The following PKP4 variants were observed in gnomAD, a reference collection of about 807,000 sequenced individuals.
PKP4 encodes plakophilin 4.
PKP4 carries 90 observed loss-of-function variants against 145.1 expected under a neutral mutation model. The ratio of observed to expected loss-of-function variants is 0.62; its 90% CI spans 0.52 to 0.74. The LOEUF is 0.74. PKP4 is among the 30% of genes least tolerant of loss of function. The pLI, the probability that PKP4 is intolerant of heterozygous loss-of-function variation, is 0.00. For missense variants in PKP4, 1,340 were observed against 1,482.7 expected (o/e 0.90, Z 1.58); for synonymous variants, 563 against 577.2 (o/e 0.98, Z 0.35).
At chr2:158,591,524 G>C (rs941945080) in intron 3 of PKP4, among the ~76,000 whole-genome samples, 1 of 151,966 alleles carries the variant, frequency 6.6e-6, no homozygotes, top group Non-Finnish European at 1.5e-5. Flanking sequence ...TAAATACAAA[G>C]AGTGTTTGTT....
intron 3 of PKP4, among the ~76,000 whole-genome samples, chr2:158,598,111 G>C (rs572491456): frequency 6.6e-6 from 1 of 152,070 alleles, no homozygotes; most frequent in Non-Finnish European, 1.5e-5. Context: ...GGCGTGAGCC[G>C]CTGTGTCAAG....
intron 1 of PKP4, among the ~76,000 whole-genome samples, chr2:158,522,839 G>T (rs1240632986): frequency 4.6e-5 from 7 of 152,228 alleles, no homozygotes; most frequent in Admixed American, 4.6e-4. Context: ...GGGTCAGGGA[G>T]TTCCCTTTCC....
At chr2:158,471,008 C>T (rs912228434) in intron 1 of PKP4, among the ~76,000 whole-genome samples, 2 of 152,142 alleles carry the variant, frequency 1.3e-5, no homozygotes, top group Admixed American at 1.3e-4. Flanking sequence ...TTAAAAACAG[C>T]ATGCTTGCTA....
intron 1 of PKP4, among the ~76,000 whole-genome samples, chr2:158,492,966 CTG>C (rs1437108868): frequency 1.3e-5 from 2 of 151,974 alleles, no homozygotes; most frequent in African/African-American, 2.4e-5. Context: ...ATTTTCTAAA[CTG>C]TTTATTTTTA....
In PKP4 at chr2:158,625,282, G is replaced by A. The variant is rs200934987; in HGVS notation, c.1008G>A (p.Ser336=). 4.5e-5 allele frequency: 73 copies of A among 1,614,008 alleles called. No homozygotes were observed. Among genetic ancestry groups the A allele is most frequent in the Non-Finnish European group, 5.8e-5 (68 of 1,180,020 alleles). Residue 336 remains serine (S), a synonymous_variant, in exon 7 of 22, where the codon TCG becomes TCA. Coordinates refer to ENST00000389759, the MANE Select transcript of PKP4 (RefSeq NM_003628.6). ...ASPSQGQVGS[S]SPKRSGMTAV... ...CATCCCAAGGCCAGGTGGGGTCGTC[G>A]TCCCCCAAACGCTCAGGGATGACCG...
intron 12 of PKP4, chr2:158,660,127 G>A (rs2056412701): frequency 6.5e-6 from 1 of 152,766 alleles, no homozygotes; most frequent in African/African-American, 2.4e-5. Flanking sequence ...TGCAAGCACA[G>A]AAGTGCTGTT....
chr2:158,620,958 A>G (rs780044044), intron 4 of PKP4, 32 bp from the exon 5 acceptor site: 3 of 1,598,650 alleles, frequency 1.9e-6, no homozygotes, highest in African/African-American at 2.7e-5. Context: ...TAATGTTATT[A>G]TATTTAGCTG....
chr2:158,528,143 A>C (rs940022540), intron 1 of PKP4, among the ~76,000 whole-genome samples: 6 of 138,992 alleles, frequency 4.3e-5, no homozygotes, highest in Admixed American at 2.3e-4. Context: ...CTGGGTATAT[A>C]CCCAAATGAC....
At chr2:158,669,028 C>G (rs1352060567) in intron 16 of PKP4, 1 of 152,204 alleles carries the variant, frequency 6.6e-6, no homozygotes, top group African/African-American at 2.4e-5. Context: ...AGAAATACCT[C>G]AATAACTGTG....
At chr2:158,567,550 G>GCAAGT (rs2047094280) in intron 2 of PKP4, among the ~76,000 whole-genome samples, 2 of 152,174 alleles carry the variant, frequency 1.3e-5, no homozygotes, top group Non-Finnish European at 2.9e-5. Context: ...GTGACCATAG[G>GCAAGT]CAAGTCAGTT....
chr2:158,463,216 T>C (rs1242680591), intron 1 of PKP4, among the ~76,000 whole-genome samples: 1 of 152,182 alleles, frequency 6.6e-6, no homozygotes, highest in Non-Finnish European at 1.5e-5. Flanking sequence ...TAACCACCGC[T>C]AGCCAACAAG....
chr2:158,567,136 A>G (rs1226303935), intron 2 of PKP4, among the ~76,000 whole-genome samples: 1 of 152,110 alleles, frequency 6.6e-6, no homozygotes, highest in East Asian at 1.9e-4. Flanking sequence ...TGTTTTTGCA[A>G]AGAGCTGGAG....
intron 21 of PKP4, 170 bp downstream of exon 21, chr2:158,678,824 A>G: frequency 1.6e-6 from 1 of 631,494 alleles, no homozygotes; most frequent in Non-Finnish European, 2.9e-6. Context: ...AAGCATTTCC[A>G]CGGTAGCCTC....
intron 11 of PKP4, among the ~76,000 whole-genome samples, chr2:158,650,722 A>AT (rs1397472978): frequency 6.6e-6 from 1 of 152,186 alleles, no homozygotes; most frequent in Non-Finnish European, 1.5e-5. Flanking sequence ...GAAAGCTGAG[A>AT]TGGTGGTGTT....
At chr2:158,633,501 A>G (rs2053562594) in intron 8 of PKP4, among the ~76,000 whole-genome samples, 1 of 152,232 alleles carries the variant, frequency 6.6e-6, no homozygotes, top group Non-Finnish European at 1.5e-5. Flanking sequence ...AGATTTCATC[A>G]TGTTACTCAG....
intron 2 of PKP4, among the ~76,000 whole-genome samples, chr2:158,540,143 A>G (rs561738837): frequency 1.2e-4 from 19 of 152,318 alleles, no homozygotes; most frequent in Middle Eastern, 3.4e-3. Flanking sequence ...ACTGCTAGCA[A>G]AGCTTCCAGT....
rs1290494968 is a variant in PKP4, at chr2:158,625,277, T to A, written c.1003T>A (p.Ser335Thr). ...TTCCCCATCCCAAGGCCAGGTGGGG[T>A]CGTCGTCCCCCAAACGCTCAGGGAT... ...VASPSQGQVG[S>T]SSPKRSGMTA... The change falls in exon 7 of 22, where the codon TCG becomes ACG. Residue 335 changes from serine (S) to threonine (T), a missense_variant. Transcript: ENST00000389759. 1 of 1,613,788 alleles carries A rather than the reference T, an allele frequency of 6.2e-7. No individual in the cohort carries two copies. Among genetic ancestry groups the A allele is most frequent in the Non-Finnish European group, 8.5e-7 (1 of 1,179,980 alleles).
intron 11 of PKP4, among the ~76,000 whole-genome samples, chr2:158,643,675 C>T (rs1222137373): frequency 6.8e-6 from 1 of 148,096 alleles, no homozygotes; most frequent in Non-Finnish European, 1.5e-5. Context: ...GATCACACCA[C>T]TGCACTCCAG....
At chr2:158,638,303 TTCA>T (rs1245180105) in intron 9 of PKP4, among the ~76,000 whole-genome samples, 3 of 152,204 alleles carry the variant, frequency 2.0e-5, no homozygotes, top group East Asian at 3.8e-4. Flanking sequence ...TATTTTAGTA[TTCA>T]TCATCATATT....
Sources: allele counts gnomAD v4.1 joint callset (sites outside exome capture counted in the v4.1 genomes callset), GRCh38; gene constraint gnomAD v4.1.1; transcripts MANE v1.5; gene names NCBI Gene and HGNC (gene_info 2026-07-23, HGNC 2026-07-21).